Variants in DLAT observed in about 807,000 individuals in gnomAD.
DLAT encodes dihydrolipoamide S-acetyltransferase.
In DLAT, 43 loss-of-function variants were observed where a neutral mutation model predicts 68.0. The ratio of observed to expected loss-of-function variants is 0.63; its 90% CI spans 0.50 to 0.81. The LOEUF is 0.81. Among genes scored for constraint, DLAT ranks in the 40% least tolerant of loss-of-function variants. DLAT has a pLI of 0.00. For synonymous variants in DLAT, 265 were observed against 288.6 expected (o/e 0.92, Z 0.83); for missense variants, 745 against 815.4 (o/e 0.91, Z 1.05).
rs587603440 is a variant in DLAT, at chr11:112,059,424, G to A, written c.1515-479G>A. On this transcript the variant is annotated intron_variant, in intron 11 of 13. Transcript: ENST00000280346. ...GGGCAGCGTTGGGGGATGGAGTCTC[G>A]CTCTGCTGCCCAGGCTGGAGTGCAG... 7.4e-5 allele frequency among the ~76,000 whole-genome samples: 11 copies of A among 149,448 alleles called. No homozygotes were observed. The South Asian group carries it at 8.5e-4, about 12-fold the overall frequency.
chr11:112,056,293 T>C (rs587758153), intron 11 of DLAT, among the ~76,000 whole-genome samples: 2 of 152,346 alleles, frequency 1.3e-5, no homozygotes, highest in African/African-American at 4.8e-5. Context: ...AATCTAATTT[T>C]AGAAATTTTC....
At chr11:112,038,777 C>T (rs587635234) in intron 6 of DLAT, among the ~76,000 whole-genome samples, 6 of 150,906 alleles carry the variant, frequency 4.0e-5, no homozygotes, top group South Asian at 2.1e-4. Flanking sequence ...ACCCAGGAGG[C>T]GGAGGTTGCA....
intron 10 of DLAT, 59 bp downstream of exon 10, chr11:112,046,029 A>G: frequency 1.0e-6 from 1 of 954,112 alleles, no homozygotes; most frequent in Non-Finnish European, 1.7e-6. Context: ...TTCCCCACCA[A>G]ACATTTATAT....
At chr11:112,060,158 A>ATTTTTT (rs782188808) in intron 12 of DLAT, 93 bp downstream of exon 12, 25 of 568,644 alleles carry the variant, frequency 4.4e-5, no homozygotes, top group African/African-American at 1.8e-4. Flanking sequence ...CTGTCACGTA[A>ATTTTTT]TTTTTTTTTT....
chr11:112,049,536 C>T (rs1366330044), intron 10 of DLAT, among the ~76,000 whole-genome samples: 1 of 149,298 alleles, frequency 6.7e-6, no homozygotes, highest in Admixed American at 6.7e-5. Flanking sequence ...ATTTCATTTT[C>T]AGATTGTTCA....
Position 112,039,229 on chromosome 11 carries a change from A to T in DLAT, c.976-15A>T, listed in dbSNP as rs1555180789. ...AAGTGGTGAATTAAAACAATTTGTAATTTTTTTTCAAAAGGTGGCCGCTGT... is the reference window on the plus strand; with the variant it reads ...AAGTGGTGAATTAAAACAATTTGTATTTTTTTTTCAAAAGGTGGCCGCTGT... On this transcript the variant is annotated splice_polypyrimidine_tract_variant and intron_variant, in intron 6 of 13. Transcript: ENST00000280346. 1.9e-6 allele frequency: 3 copies of T among 1,613,216 alleles called. No individual in the cohort carries two copies. The highest frequency in any genetic ancestry group is 3.3e-5 in the Admixed American group (2 of 59,976).
chr11:112,060,157 AAT>A, intron 12 of DLAT, 92 bp downstream of exon 12: 2 of 952,608 alleles, frequency 2.1e-6, no homozygotes, highest in East Asian at 3.0e-5. Context: ...TCTGTCACGT[AAT>A]TTTTTTTTTT....
At chr11:112,053,747 C>G (rs1592711018) in intron 11 of DLAT, among the ~76,000 whole-genome samples, 1 of 152,156 alleles carries the variant, frequency 6.6e-6, no homozygotes, top group Non-Finnish European at 1.5e-5. Context: ...GCTACCACGC[C>G]CAGCCCTTAA....
intron 10 of DLAT, among the ~76,000 whole-genome samples, chr11:112,048,058 G>C (rs979345476): frequency 6.6e-6 from 1 of 152,188 alleles, no homozygotes; most frequent in Non-Finnish European, 1.5e-5. Flanking sequence ...ACTTTGGGCA[G>C]TATGTCCATT....
intron 12 of DLAT, among the ~76,000 whole-genome samples, chr11:112,060,697 C>A (rs1433612530): frequency 6.6e-6 from 1 of 151,960 alleles, no homozygotes; most frequent in Non-Finnish European, 1.5e-5. Flanking sequence ...AACTCCTGAC[C>A]TCAAATGATC....
chr11:112,044,893 G>C (rs1863224339), intron 8 of DLAT, among the ~76,000 whole-genome samples: 1 of 152,054 alleles, frequency 6.6e-6, no homozygotes, highest in Non-Finnish European at 1.5e-5. Flanking sequence ...AAATTAGCTG[G>C]GCATGTTGGC....
chr11:112,055,717 C>T (rs1425427245), intron 11 of DLAT, among the ~76,000 whole-genome samples: 2 of 151,788 alleles, frequency 1.3e-5, no homozygotes, highest in South Asian at 2.1e-4. Flanking sequence ...CCGTGATGAT[C>T]GTCACAGCAG....
chr11:112,041,359 A>G (rs10891313), intron 7 of DLAT, among the ~76,000 whole-genome samples: 54,361 of 152,098 alleles, frequency 0.36, 10,021 homozygotes, highest in East Asian at 0.59. Flanking sequence ...ACTCAGTGAT[A>G]TACTAGTGAG....
chr11:112,027,767 G>A (rs1417098685), intron 2 of DLAT, among the ~76,000 whole-genome samples: 296 of 137,328 alleles, frequency 2.2e-3, no homozygotes, highest in Middle Eastern at 7.0e-3. Context: ...AGGCGTGGCG[G>A]CGCGTGCCTG....
At position 112,062,562 on chromosome 11, in the gene DLAT, C is replaced by T. The variant is rs1555183409; in HGVS notation, c.*27C>T. 1 of 1,609,960 alleles carries T rather than the reference C, an allele frequency of 6.2e-7. No individual in the cohort carries two copies. Among genetic ancestry groups the T allele is most frequent in the Admixed American group, 1.7e-5 (1 of 59,988 alleles). Reference sequence around the variant, plus strand: ...TAACTCAAGAATTTCTAAACTCTCCCAGGTCACACTGATTCATTCTTAACA... The same window carrying T: ...TAACTCAAGAATTTCTAAACTCTCCTAGGTCACACTGATTCATTCTTAACA... On this transcript the variant is annotated 3_prime_UTR_variant, in exon 14 of 14. Coordinates refer to ENST00000280346, the MANE Select transcript of DLAT (RefSeq NM_001931.5).
chr11:112,026,951 C>T (rs1355252371), intron 2 of DLAT, among the ~76,000 whole-genome samples: 1 of 150,054 alleles, frequency 6.7e-6, no homozygotes, highest in African/African-American at 2.4e-5. Context: ...GGCTGACCCC[C>T]CCACTTCCCT....
chr11:112,043,374 C>A, intron 7 of DLAT, 92 bp from the exon 8 acceptor site: 1 of 1,209,314 alleles, frequency 8.3e-7, no homozygotes, highest in Non-Finnish European at 1.2e-6. Context: ...GGTAGTAAAC[C>A]CTTAGGAGCT....
chr11:112,046,203 A>G (rs1863305702), intron 10 of DLAT, among the ~76,000 whole-genome samples: 1 of 152,170 alleles, frequency 6.6e-6, no homozygotes, highest in African/African-American at 2.4e-5. Flanking sequence ...GTCTAAGGTC[A>G]TGAAGATTTA....
intron 4 of DLAT, chr11:112,030,064 G>A (rs1592662459): frequency 2.1e-6 from 2 of 946,716 alleles, no homozygotes; most frequent in East Asian, 6.6e-5. Flanking sequence ...GAGTGTCTAA[G>A]TTTAAAATTT....
Sources: gnomAD v4.1 joint callset for allele counts (sites outside exome capture counted in the v4.1 genomes callset) on GRCh38, gnomAD v4.1.1 for gene constraint, MANE v1.5 for transcripts, NCBI Gene and HGNC (gene_info 2026-07-23, HGNC 2026-07-21) for gene names.